The following SH3YL1 variants were observed in gnomAD, a reference collection of about 807,000 sequenced individuals.
SH3YL1 encodes SH3 and SYLF domain containing 1, also known as SH3 domain-containing YSC84-like protein 1.
SH3YL1 carries 41 observed loss-of-function variants against 45.8 expected under a neutral mutation model. The observed-to-expected ratio is 0.89, with a 90% confidence interval of 0.70 to 1.16. The LOEUF is 1.16. SH3YL1 is among the 50% of genes most tolerant of loss of function. The probability of loss-of-function intolerance (pLI) is 0.00; values close to 1 mark genes in which losing one functional copy is unlikely to be tolerated. For missense variants in SH3YL1, 389 were observed against 409.6 expected (o/e 0.95, Z 0.43); for synonymous variants, 152 against 151.4 (o/e 1.00, Z -0.03).
intron 2 of SH3YL1, among the ~76,000 whole-genome samples, chr2:251,521 TCACC>T (rs1220920275): frequency 6.6e-6 from 1 of 152,210 alleles, no homozygotes; most frequent in African/African-American, 2.4e-5. Flanking sequence ...TTTCTGAGCT[TCACC>T]CACTGAGACG....
At chr2:233,260 C>A in intron 5 of SH3YL1, 31 bp from the exon 6 acceptor site, 1 of 1,522,192 alleles carries the variant, frequency 6.6e-7, no homozygotes, top group East Asian at 2.3e-5. Context: ...CATCACAAAG[C>A]TGTGAGCAGC....
At chr2:238,804 C>G (rs189352672) in intron 4 of SH3YL1, among the ~76,000 whole-genome samples, 67 of 152,298 alleles carry the variant, frequency 4.4e-4, no homozygotes, top group Non-Finnish European at 9.0e-4. Flanking sequence ...TTACTAATCT[C>G]TCTCTCTTTA....
chr2:220,889 G>A (rs3828165), intron 9 of SH3YL1, among the ~76,000 whole-genome samples: 43,081 of 152,138 alleles, frequency 0.28, 6,705 homozygotes, highest in Non-Finnish European at 0.35. Flanking sequence ...ATCAGGGAAT[G>A]TTCTGGGAGC....
intron 1 of SH3YL1, among the ~76,000 whole-genome samples, chr2:253,991 G>A (rs1669196211): frequency 6.6e-6 from 1 of 152,084 alleles, no homozygotes; most frequent in Admixed American, 6.5e-5. Context: ...CCCAAAGGAT[G>A]TTAAACAAAA....
At chr2:259,363 T>C (rs1307163623) in intron 1 of SH3YL1, 1 of 152,200 alleles carries the variant, frequency 6.6e-6, no homozygotes, top group African/African-American at 2.4e-5. Flanking sequence ...CTTATTAATT[T>C]ATACATTAAA....
At position 233,188 on chromosome 2, in the gene SH3YL1, A is replaced by ACGGCAG; in HGVS notation, c.440_445dup (p.Ala147_Ala148dup). On this transcript the variant is annotated inframe_insertion, in exon 6 of 10. Transcript: ENST00000356150. ...TCCCCTTGACTTGCAGTACGTGAAG[A>ACGGCAG]CGGCAGCGGAGCTTCTCAGGGCCAC... 1.3e-6 allele frequency: 2 copies of ACGGCAG among 1,593,860 alleles called. No homozygotes were observed.
intron 4 of SH3YL1, chr2:240,376 C>T (rs1668490286): frequency 6.6e-6 from 1 of 152,308 alleles, no homozygotes; most frequent in African/African-American, 2.4e-5. Flanking sequence ...GAGCAGAGAG[C>T]TCCAAAGCTC....
chr2:249,440 G>C (rs1668977549), intron 3 of SH3YL1, among the ~76,000 whole-genome samples: 1 of 152,164 alleles, frequency 6.6e-6, no homozygotes. Context: ...TGCACATACT[G>C]CCATGTTTCA....
intron 1 of SH3YL1, among the ~76,000 whole-genome samples, chr2:253,666 G>C (rs980125868): frequency 6.6e-6 from 1 of 152,172 alleles, no homozygotes; most frequent in Non-Finnish European, 1.5e-5. Context: ...AGTATCCTTA[G>C]TTGAGCAGCC....
intron 7 of SH3YL1, among the ~76,000 whole-genome samples, 170 bp from the exon 8 acceptor site, chr2:230,214 G>C (rs1667975648): frequency 6.6e-6 from 1 of 152,160 alleles, no homozygotes; most frequent in African/African-American, 2.4e-5. Context: ...TAATTGAACT[G>C]GATGACAAGA....
In SH3YL1 at chr2:249,824, T is replaced by C. The variant is rs1668999196; in HGVS notation, c.133A>G (p.Lys45Glu). 3.9e-6 allele frequency: 6 copies of C among 1,550,962 alleles called. No homozygotes were observed. Among genetic ancestry groups the C allele is most frequent in the South Asian group, 1.2e-5 (1 of 84,046 alleles). ...IIPAHVIAKA[K>E]GLAILSVIKA... is the part of the protein sequence containing the mutation. ...ATCACAGACAGAATTGCAAGGCCTT[T>C]AGCCTTCGCAATTACGTGAGCTGTT... The change falls in exon 3 of 10, where the codon AAA becomes GAA. Residue 45 changes from lysine (K) to glutamate (E), a missense_variant. Lys to Glu is a moderately conservative substitution (Grantham distance 56). Transcript: ENST00000356150.
intron 1 of SH3YL1, among the ~76,000 whole-genome samples, chr2:258,100 G>A (rs772330224): frequency 2.0e-5 from 3 of 152,138 alleles, no homozygotes; most frequent in South Asian, 4.1e-4. Context: ...TCCTCCAGCT[G>A]TTCTTTTTGC....
At chr2:242,559 T>C (rs1333084945) in intron 4 of SH3YL1, among the ~76,000 whole-genome samples, 1 of 151,996 alleles carries the variant, frequency 6.6e-6, no homozygotes, top group East Asian at 1.9e-4. Context: ...TAGTACAAAA[T>C]GTTCACTTAA....
intron 3 of SH3YL1, among the ~76,000 whole-genome samples, chr2:248,378 C>T (rs1668928586): frequency 6.6e-6 from 1 of 151,874 alleles, no homozygotes; most frequent in Non-Finnish European, 1.5e-5. Context: ...ACTATCCTAC[C>T]CAGGCTTAGA....
chr2:218,838 A>C lies in SH3YL1; in HGVS notation c.1002T>G (p.Phe334Leu), dbSNP rs559927789. The C allele has an allele frequency of 1.9e-6, 3 of 1,613,694 alleles. No homozygotes were observed. In the African/African-American group the frequency reaches 4.0e-5, roughly 22 times the overall value. Residue 334 changes from phenylalanine (F) to leucine (L), a missense_variant, in exon 10 of 10, where the codon TTT becomes TTG. Coordinates refer to ENST00000356150, the MANE Select transcript of SH3YL1 (RefSeq NM_015677.4). Reference protein sequence around the residue: ...EGKLRGQTGIFPANYVTMN With the variant: ...EGKLRGQTGILPANYVTMN Reference sequence around the variant, plus strand: ...AATTCATGGTTACGTAGTTGGCTGGAAAAATGCCAGTTTGACCTCGAAGTT... The same window carrying C: ...AATTCATGGTTACGTAGTTGGCTGGCAAAATGCCAGTTTGACCTCGAAGTT...
intron 1 of SH3YL1, among the ~76,000 whole-genome samples, chr2:255,062 C>T (rs564695887): frequency 2.6e-5 from 4 of 152,202 alleles, no homozygotes; most frequent in Non-Finnish European, 2.9e-5. Flanking sequence ...ATACTCAAAT[C>T]GCCTTGAGCA....
At chr2:245,257 A>G (rs6718370) in intron 4 of SH3YL1, among the ~76,000 whole-genome samples, 5,549 of 152,158 alleles carry the variant, frequency 0.036, 358 homozygotes, top group African/African-American at 0.13. Flanking sequence ...AGAAGTTTAA[A>G]ACTCATGTCT....
At position 231,183 on chromosome 2, in the gene SH3YL1, CAAT is replaced by C. The variant is rs1482816958; in HGVS notation, c.539_541del (p.Tyr180del). ...AATGTCATAAGCTCGGATATCTTGA[CAAT>C]AAAATCTAATGGGAAATATAAAATT... On this transcript the variant is annotated inframe_deletion, in exon 7 of 10. Coordinates refer to ENST00000356150, the MANE Select transcript of SH3YL1 (RefSeq NM_015677.4). 1.2e-6 allele frequency: 2 copies of C among 1,606,716 alleles called. No homozygotes were observed. Among genetic ancestry groups the C allele is most frequent in the African/African-American group, 1.3e-5 (1 of 74,562 alleles).
At chr2:260,237 T>C (rs1669531977) in intron 1 of SH3YL1, 1 of 152,192 alleles carries the variant, frequency 6.6e-6, no homozygotes, top group Admixed American at 6.5e-5. Context: ...TTTAATTACA[T>C]TTATACATAT....
Sources: allele counts gnomAD v4.1 joint callset (sites outside exome capture counted in the v4.1 genomes callset), GRCh38; gene constraint gnomAD v4.1.1; transcripts MANE v1.5; gene names NCBI Gene and HGNC (gene_info 2026-07-23, HGNC 2026-07-21).